Variants in SNRPN observed in about 807,000 individuals in gnomAD.
SNRPN encodes small nuclear ribonucleoprotein-associated protein N.
A neutral mutation model predicts 25.2 loss-of-function variants in SNRPN; 7 were observed. The observed-to-expected ratio is 0.28, with a 90% confidence interval of 0.16 to 0.52. The LOEUF is 0.52. Among genes scored for constraint, SNRPN ranks in the 20% least tolerant of loss-of-function variants. The pLI, the probability that SNRPN is intolerant of heterozygous loss-of-function variation, is 0.96. For missense variants in SNRPN, 196 were observed against 322.5 expected, an observed-to-expected ratio of 0.61 and a Z score of 3.00; for synonymous variants, 124 against 110.6, an observed-to-expected ratio of 1.12 and a Z score of -0.76.
chr15:24,923,129 C>T (rs1457167809), intron 3 of SNRPN, among the ~76,000 whole-genome samples: 1 of 152,124 alleles, frequency 6.6e-6, no homozygotes, highest in East Asian at 1.9e-4. Context: ...TGGTCTCGAA[C>T]TCCTGACCTC....
intron 2 of SNRPN, chr15:24,849,541 C>T (rs1186761244): frequency 3.3e-5 from 5 of 152,248 alleles, no homozygotes; most frequent in African/African-American, 1.2e-4. Context: ...GAGATGGACA[C>T]CTGGTCCCAG....
rs374400749 is a variant in SNRPN, at chr15:24,975,339, C to T, written c.4-19C>T. ...GGGTGTTGGCAAGCTGAACATGACT[C>T]TTGTCTTACTGCTTCTAGACTGTTG... On this transcript the variant is annotated intron_variant, in intron 4 of 9. Coordinates refer to ENST00000390687, the MANE Select transcript of SNRPN (RefSeq NM_003097.6). The T allele has an allele frequency of 6.2e-7, 1 of 1,607,976 alleles. No homozygotes were observed. Among genetic ancestry groups the T allele is most frequent in the East Asian group, 2.2e-5 (1 of 44,806 alleles).
chr15:24,867,882 C>G (rs1202052183), intron 1 of SNRPN, among the ~76,000 whole-genome samples: 2 of 151,890 alleles, frequency 1.3e-5, no homozygotes, highest in Non-Finnish European at 2.9e-5. Context: ...TGTTTGCTTC[C>G]CTTTATGGTT....
At chr15:24,953,548 C>G (rs2062450294), upstream of SNRPN, among the ~76,000 whole-genome samples, 2 of 152,172 alleles carry the variant, frequency 1.3e-5, no homozygotes, top group Admixed American at 6.5e-5. Context: ...GTCTCGATCT[C>G]CTGACCTCGT....
rs1159585541 is a variant in SNRPN at position 24,927,475 on chromosome 15, AATTTTTTTTTTTT to A, written c.-391+7352_-391+7364del. 1.6e-3 allele frequency among the ~76,000 whole-genome samples: 177 copies of A among 113,296 alleles called. 8 individuals are homozygous for A. The highest frequency in any genetic ancestry group is 2.4e-3 in the Non-Finnish European group (138 of 56,900). 74.3% of individuals were successfully genotyped at this position (113,296 alleles called of 152,430 possible). A position where few individuals can be genotyped will look rare whatever the true frequency, so the allele number is the denominator to read the frequency against. On this transcript the variant is annotated intron_variant, in intron 3 of 11. Coordinates refer to the SNRPN transcript ENST00000400097. The stretch of plus-strand genomic sequence containing the variant: ...TTTCCCACTGCTTATAAAGTTTTTA[AATTTTTTTTTTTT>A]TTTTTTTTTTTTTTTTTTTTTTTTT...
intron 2 of SNRPN, among the ~76,000 whole-genome samples, chr15:24,904,171 G>T (rs2058648094): frequency 6.6e-6 from 1 of 152,130 alleles, no homozygotes; most frequent in African/African-American, 2.4e-5. Context: ...TTTTGCTGCA[G>T]TGTGTGAGGG....
rs1054368519 is a variant in SNRPN at position 24,848,084 on chromosome 15, C to T, written c.-579+18179C>T. On this transcript the variant is annotated intron_variant, in intron 2 of 12. Coordinates refer to the SNRPN transcript ENST00000400100. ...TGGCAGGGCCGGGACTCCTGGTCCC[C>T]CGCGATTCTGAGCGGTGCCTCACAG... Among the ~76,000 whole-genome samples, 4 of 152,052 alleles carry T rather than the reference C, an allele frequency of 2.6e-5. No homozygotes were observed. The East Asian group carries it at 5.8e-4, about 22-fold the overall frequency.
chr15:24,877,128 A>G (rs1162109415), intron 1 of SNRPN, among the ~76,000 whole-genome samples: 1 of 152,218 alleles, frequency 6.6e-6, no homozygotes, highest in Non-Finnish European at 1.5e-5. Flanking sequence ...ATGGGTGGGG[A>G]AAATGTGAGA....
intron 3 of SNRPN, among the ~76,000 whole-genome samples, chr15:24,925,235 C>T (rs114107660): frequency 0.015 from 2,227 of 152,072 alleles, 60 homozygotes; most frequent in African/African-American, 0.051. Context: ...TATAAAGGGC[C>T]CCTGGAAGAA....
At chr15:24,838,228 G>A (rs1331625251) in intron 2 of SNRPN, among the ~76,000 whole-genome samples, 1 of 149,780 alleles carries the variant, frequency 6.7e-6, no homozygotes, top group Non-Finnish European at 1.5e-5. Context: ...GTAGAGACGG[G>A]GTTTCACCGC....
intron 2 of SNRPN, among the ~76,000 whole-genome samples, chr15:24,834,966 G>GATAGATATATATAC (rs2050935512): frequency 6.0e-5 from 2 of 33,610 alleles, no homozygotes; most frequent in African/African-American, 2.3e-4. Context: ...AGTATATATA[G>GATAGATATATATAC]TATATATATC....
intron 8 of SNRPN, 122 bp from the exon 9 acceptor site, chr15:24,978,071 T>C: frequency 1.7e-6 from 2 of 1,202,900 alleles, no homozygotes; most frequent in African/African-American, 1.5e-5. Context: ...GTAATTGTCA[T>C]ATAGAAGTTA....
chr15:24,975,617 A>G (rs2076969924), intron 5 of SNRPN, 108 bp downstream of exon 5: 13 of 863,108 alleles, frequency 1.5e-5, no homozygotes, highest in East Asian at 2.4e-5. Context: ...TAGGGAAACT[A>G]TGGTAGAGCC....
At chr15:24,877,778 G>A (rs777688445) in intron 1 of SNRPN, among the ~76,000 whole-genome samples, 15 of 152,216 alleles carry the variant, frequency 9.9e-5, no homozygotes, top group Non-Finnish European at 1.6e-4. Context: ...CTTGAACCCG[G>A]GAGGAGGATG....
intron 3 of SNRPN, among the ~76,000 whole-genome samples, chr15:24,973,662 G>A (rs138999343): frequency 2.2e-3 from 338 of 152,012 alleles, no homozygotes; most frequent in African/African-American, 7.8e-3. Flanking sequence ...GGCCTCCCCT[G>A]GTGCTGGGAT....
intron 1 of SNRPN, among the ~76,000 whole-genome samples, chr15:24,870,401 T>C (rs2148702894): frequency 6.6e-6 from 1 of 152,290 alleles, no homozygotes; most frequent in Admixed American, 6.5e-5. Context: ...TGTTCATATA[T>C]AACCTGATTA....
intron 3 of SNRPN, among the ~76,000 whole-genome samples, chr15:24,973,589 G>A (rs1257683111): frequency 6.6e-6 from 1 of 151,960 alleles, no homozygotes; most frequent in Non-Finnish European, 1.5e-5. Flanking sequence ...TAGCAGAGAC[G>A]GGATTTCACC....
At chr15:24,933,905 A>G (rs927278834) in intron 3 of SNRPN, among the ~76,000 whole-genome samples, 1 of 152,240 alleles carries the variant, frequency 6.6e-6, no homozygotes, top group Non-Finnish European at 1.5e-5. Flanking sequence ...CTCCGTCTGT[A>G]TTAATTTATA....
At position 24,974,414 on chromosome 15, in the gene SNRPN, A is replaced by G. The variant is rs767553112; in HGVS notation, c.-40A>G. 8 of 1,609,432 alleles carry G rather than the reference A, an allele frequency of 5.0e-6. No individual in the cohort carries two copies. The highest frequency in any genetic ancestry group is 3.3e-4 in the Middle Eastern group (2 of 6,078). ...TTCCCCTAGGTCTTCAGAAGCATCAAGTTTTAACTGTGGACATTGGATTTG... is the reference window on the plus strand; with the variant it reads ...TTCCCCTAGGTCTTCAGAAGCATCAGGTTTTAACTGTGGACATTGGATTTG... On this transcript the variant is annotated 5_prime_UTR_variant, in exon 4 of 10. Transcript: ENST00000390687.
Sources: allele counts gnomAD v4.1 joint callset (sites outside exome capture counted in the v4.1 genomes callset), GRCh38; gene constraint gnomAD v4.1.1; transcripts MANE v1.5; gene names NCBI Gene and HGNC (gene_info 2026-07-23, HGNC 2026-07-21).